COL4A4: variants seen among roughly 807,000 people sequenced by gnomAD.
COL4A4 encodes collagen alpha-4(IV) chain.
Under a neutral mutation model 192.9 loss-of-function variants are expected in COL4A4, and 105 were observed. The observed-to-expected ratio is 0.54, with a 90% CI of 0.46 to 0.64. The LOEUF (loss-of-function observed/expected upper bound fraction) is 0.64. COL4A4 is among the 30% of genes least tolerant of loss of function. The pLI is 0.00. For missense variants in COL4A4, 1,967 were observed against 2,169.3 expected (o/e 0.91, Z 1.85); for synonymous variants, 762 against 769.9 (o/e 0.99, Z 0.17).
chr2:227,111,331 A>G lies in COL4A4; in HGVS notation c.594+347T>C, dbSNP rs76828730. 6.3e-3 allele frequency among the ~76,000 whole-genome samples: 967 copies of G among 152,310 alleles called. 9 individuals carry two copies. Among genetic ancestry groups the G allele is most frequent in the African/African-American group, 0.022 (916 of 41,570 alleles). ...TTATTCTAGCTGGTATATATTATACATGTAGTTGCTAAGTGGACTCACTTT... is the reference window on the plus strand; with the variant it reads ...TTATTCTAGCTGGTATATATTATACGTGTAGTTGCTAAGTGGACTCACTTT... On this transcript the variant is annotated intron_variant, in intron 9 of 47. Transcript: ENST00000396625.
At position 227,126,057 on chromosome 2, in the gene COL4A4, T is replaced by C. The variant is rs1474070903; in HGVS notation, c.193-4909A>G. Among the ~76,000 whole-genome samples the C allele has an allele frequency of 2.0e-5, 3 of 152,114 alleles. No homozygotes were observed. The East Asian group carries it at 5.8e-4, about 29-fold the overall frequency. ...GTTCTGAGGACTCAACCGATCCAGA[T>C]GGAAAATATTCGAAAATCAATAAAC... On this transcript the variant is annotated intron_variant, in intron 4 of 47. Transcript: ENST00000396625.
At chr2:226,990,324 C>T in the COL4A4 span, among the ~76,000 whole-genome samples, 2 of 152,108 alleles carry the variant, frequency 1.3e-5, no homozygotes, top group Admixed American at 6.5e-5. Flanking sequence ...GAACATGGGT[C>T]GCATGCTGCT....
At position 227,099,508 on chromosome 2, in the gene COL4A4, T is replaced by C. The variant is rs1044750676; in HGVS notation, c.1099+112A>G. 6 of 945,630 alleles carry C rather than the reference T, an allele frequency of 6.3e-6. No individual in the cohort carries two copies. In the African/African-American group the frequency reaches 8.0e-5, roughly 13 times the overall value. The allele number at this position is 945,630 out of a possible 1,614,324, so 58.6% of individuals were successfully genotyped here. ...ATACACTCATGCTACAGTTCGTGCA[T>C]TCAGCCTGCCTAGTGTGCAAGCTAT... On this transcript the variant is annotated intron_variant, in intron 18 of 47. Transcript: ENST00000396625.
intron 43 of COL4A4, among the ~76,000 whole-genome samples, chr2:227,023,688 G>A (rs1966455556): frequency 1.3e-5 from 2 of 152,158 alleles, no homozygotes; most frequent in African/African-American, 4.8e-5. Context: ...GACTGTGTAT[G>A]TGCTACTGTT....
chr2:227,049,980 CT>C, intron 34 of COL4A4, 87 bp downstream of exon 34: 1 of 1,262,154 alleles, frequency 7.9e-7, no homozygotes, highest in Admixed American at 1.7e-5. Flanking sequence ...ATACACTTTG[CT>C]TATCATGTAA....
At chr2:227,012,571 C>T (rs780770850) in intron 44 of COL4A4, among the ~76,000 whole-genome samples, 38 of 145,720 alleles carry the variant, frequency 2.6e-4, no homozygotes, top group Non-Finnish European at 4.9e-4. Flanking sequence ...TGAAGCCAGA[C>T]CAGGGAGGTG....
the COL4A4 span, among the ~76,000 whole-genome samples, chr2:226,990,181 T>G: frequency 6.6e-6 from 1 of 152,220 alleles, no homozygotes; most frequent in African/African-American, 2.4e-5. Flanking sequence ...CTTGCTAAAT[T>G]GTTAGACCTG....
intron 25 of COL4A4, among the ~76,000 whole-genome samples, chr2:227,065,308 GC>G (rs1210155198): frequency 6.6e-6 from 1 of 152,208 alleles, no homozygotes; most frequent in Non-Finnish European, 1.5e-5. Context: ...GGGGAGGGGC[GC>G]CCGCCATTGC....
At chr2:227,106,726 C>T (rs778555454) in intron 12 of COL4A4, among the ~76,000 whole-genome samples, 11 of 152,120 alleles carry the variant, frequency 7.2e-5, no homozygotes, top group East Asian at 3.9e-4. Context: ...CCACCATGCC[C>T]GGCTAATTTT....
intron 44 of COL4A4, among the ~76,000 whole-genome samples, chr2:227,015,487 G>A (rs1010537007): frequency 2.6e-5 from 4 of 152,080 alleles, no homozygotes; most frequent in African/African-American, 4.8e-5. Flanking sequence ...CATGAAGCTC[G>A]AGAACCAAAG....
chr2:227,063,427 G>A (rs1316661672), intron 25 of COL4A4, among the ~76,000 whole-genome samples: 1 of 151,946 alleles, frequency 6.6e-6, no homozygotes, highest in Admixed American at 6.6e-5. Flanking sequence ...ATTTTGTTGG[G>A]TTCTAGACCA....
At chr2:227,077,469 C>T (rs911593407) in intron 25 of COL4A4, among the ~76,000 whole-genome samples, 1 of 152,020 alleles carries the variant, frequency 6.6e-6, no homozygotes, top group East Asian at 1.9e-4. Context: ...GGGAGGGGAA[C>T]ATCACATAAT....
chr2:227,106,589 G>A (rs181550316), intron 12 of COL4A4, among the ~76,000 whole-genome samples: 11 of 152,168 alleles, frequency 7.2e-5, no homozygotes, highest in South Asian at 2.1e-4. Context: ...TTTTTGAGAC[G>A]TAGTCTCACT....
At chr2:227,029,662 G>A (rs1338727862) in intron 41 of COL4A4, among the ~76,000 whole-genome samples, 1 of 152,054 alleles carries the variant, frequency 6.6e-6, no homozygotes, top group East Asian at 1.9e-4. Context: ...AAGTTAAAAT[G>A]GATACTCATT....
the COL4A4 span, among the ~76,000 whole-genome samples, chr2:226,984,272 T>A: frequency 6.6e-6 from 1 of 152,218 alleles, no homozygotes; most frequent in African/African-American, 2.4e-5. Context: ...ACCCGGTGGC[T>A]TAAACAACAG....
chr2:227,071,078 G>A (rs1304668997), intron 25 of COL4A4, among the ~76,000 whole-genome samples: 1 of 152,032 alleles, frequency 6.6e-6, no homozygotes, highest in Non-Finnish European at 1.5e-5. Context: ...TTCATGTTGA[G>A]TGTAAATGCT....
At chr2:227,000,093 A>G (rs1344268269), downstream of COL4A4, among the ~76,000 whole-genome samples, 4 of 152,206 alleles carry the variant, frequency 2.6e-5, no homozygotes, top group Non-Finnish European at 4.4e-5. Context: ...CTCTCCCTCA[A>G]CAATTTAAAT....
chr2:227,032,348 C>G, intron 38 of COL4A4, 72 bp from the exon 39 acceptor site: 1 of 1,538,406 alleles, frequency 6.5e-7, no homozygotes, highest in Non-Finnish European at 8.8e-7. Context: ...TGAAAAGGAA[C>G]CACTTCCCAA....
chr2:227,079,280 A>C (rs2059198309), intron 24 of COL4A4, among the ~76,000 whole-genome samples: 1 of 152,234 alleles, frequency 6.6e-6, no homozygotes, highest in Non-Finnish European at 1.5e-5. Context: ...GGAAGACCTC[A>C]GCGAACGTTG....
Sources: gnomAD v4.1 joint callset for allele counts (sites outside exome capture counted in the v4.1 genomes callset) on GRCh38, gnomAD v4.1.1 for gene constraint, MANE v1.5 for transcripts, NCBI Gene and HGNC (gene_info 2026-07-23, HGNC 2026-07-21) for gene names.